Variants in LIPI observed in about 807,000 individuals in gnomAD.
LIPI encodes lipase member I.
LIPI carries 59 observed loss-of-function variants against 50.6 expected under a neutral mutation model. That is an observed-to-expected ratio of 1.16 (90% CI 0.94 to 1.45). LIPI has a LOEUF of 1.45. Among genes scored for constraint, LIPI ranks in the 40% most tolerant of loss-of-function variants. The pLI is 0.00. For missense variants in LIPI, 586 were observed against 536.3 expected, an observed-to-expected ratio of 1.09 and a Z score of -0.92; for synonymous variants, 203 against 178.2, an observed-to-expected ratio of 1.14 and a Z score of -1.11.
Position 14,144,735 on chromosome 21 carries a change from C to T in LIPI, c.1183G>A (p.Val395Ile). ...KILAQFYNDFVNISSIGLTYF... is the reference protein window; with the variant it reads ...KILAQFYNDFINISSIGLTYF... Reference sequence around the variant, plus strand: ...GTCAAACCAATGCTTGAAATATTTACAAAGTCATTATAAAATTGAGCAAGA... The same window carrying T: ...GTCAAACCAATGCTTGAAATATTTATAAAGTCATTATAAAATTGAGCAAGA... The change falls in exon 9 of 10, where the codon GTA becomes ATA. Residue 395 changes from valine to isoleucine, a missense_variant. Coordinates refer to ENST00000681601, the MANE Select transcript of LIPI (RefSeq NM_001302998.2). The T allele has an allele frequency of 1.9e-6, 3 of 1,575,720 alleles. No homozygotes were observed. In the Admixed American group the frequency reaches 5.0e-5, roughly 26 times the overall value.
Position 14,163,474 on chromosome 21 carries a change from T to A in LIPI, c.951A>T (p.Gly317=). The change falls in exon 7 of 10, where the codon GGA becomes GGT. Residue 317 remains glycine (G), a synonymous_variant. Coordinates refer to ENST00000681601, the MANE Select transcript of LIPI (RefSeq NM_001302998.2). ...AAAACACAGTGGTCCTAAGAGGTCT[T>A]CCTTCCATCCTTTCTTTTAAAACAC... is the stretch of plus-strand genomic sequence containing the variant. The part of the protein sequence containing the change: ...FKGVLKERME[G]RPLRTTVFLD... 2 of 1,591,252 alleles carry A rather than the reference T, an allele frequency of 1.3e-6. No individual in the cohort carries two copies. The highest frequency in any genetic ancestry group is 1.1e-5 in the South Asian group (1 of 90,592).
chr21:14,161,244 A>G (rs1417128497), intron 7 of LIPI, among the ~76,000 whole-genome samples: 1 of 150,052 alleles, frequency 6.7e-6, no homozygotes, highest in Non-Finnish European at 1.5e-5. Context: ...GATTGGTTAA[A>G]CAAATGGTGG....
At chr21:14,183,507 G>A (rs916470596) in intron 3 of LIPI, among the ~76,000 whole-genome samples, 1 of 152,120 alleles carries the variant, frequency 6.6e-6, no homozygotes, top group African/African-American at 2.4e-5. Flanking sequence ...CTTCTGCACA[G>A]CAAAAGAAAC....
chr21:14,143,592 A>G (rs1390333100), intron 9 of LIPI: 1 of 152,186 alleles, frequency 6.6e-6, no homozygotes, highest in Non-Finnish European at 1.5e-5. Context: ...AGAGAAATAA[A>G]GAGGAAGCAC....
At chr21:14,110,604 C>T (rs138511638) in intron 9 of LIPI, among the ~76,000 whole-genome samples, 4 of 151,904 alleles carry the variant, frequency 2.6e-5, no homozygotes, top group Admixed American at 6.6e-5. Context: ...AATTTTCTAT[C>T]CTTTGACCAA....
chr21:14,132,707 TA>T (rs2123005020), intron 9 of LIPI, among the ~76,000 whole-genome samples: 1 of 151,922 alleles, frequency 6.6e-6, no homozygotes, highest in African/African-American at 2.4e-5. Flanking sequence ...CAGAATCTCA[TA>T]AAACCACAAA....
At position 14,163,415 on chromosome 21, in the gene LIPI, T is replaced by C. The variant is rs772713934; in HGVS notation, c.1006+4A>G. 1 of 1,292,116 alleles carries C rather than the reference T, an allele frequency of 7.7e-7. No individual in the cohort carries two copies. Among genetic ancestry groups the C allele is most frequent in the South Asian group, 1.2e-5 (1 of 84,218 alleles). 80.0% of individuals were successfully genotyped at this position (1,292,116 alleles called of 1,614,324 possible). On this transcript the variant is annotated splice_donor_region_variant and intron_variant, in intron 7 of 9. Coordinates refer to ENST00000681601, the MANE Select transcript of LIPI (RefSeq NM_001302998.2). ...TTTATTTGTTAAAATTGTTAATAAC[T>C]TACTACAGAATGGATATGTACCACT...
At chr21:14,110,085 A>C (rs2016341577) in intron 9 of LIPI, among the ~76,000 whole-genome samples, 1 of 138,690 alleles carries the variant, frequency 7.2e-6, no homozygotes, top group Admixed American at 7.6e-5. Flanking sequence ...AAAAATGAAC[A>C]CATTACATTG....
chr21:14,182,466 A>C (rs2019306808), intron 3 of LIPI, among the ~76,000 whole-genome samples: 1 of 152,196 alleles, frequency 6.6e-6, no homozygotes, highest in Admixed American at 6.6e-5. Context: ...GGAATTGTCA[A>C]AAAGAGGAGA....
chr21:14,144,769 T>C lies in LIPI; in HGVS notation c.1149A>G (p.Glu383=). The change falls in exon 9 of 10, where the codon GAA becomes GAG. Residue 383 remains glutamate, a synonymous_variant. Transcript: ENST00000681601. ...TATAAAATTGAGCAAGAATCTTGAC[T>C]TCTTGAAGTTTATAAAATGGTTTGT... is the stretch of plus-strand genomic sequence containing the variant. The part of the protein sequence containing the change: ...EKNKPFYKLQ[E]VKILAQFYND... 1 of 1,581,492 alleles carries C rather than the reference T, an allele frequency of 6.3e-7. No homozygotes were observed. The highest frequency in any genetic ancestry group is 8.7e-7 in the Non-Finnish European group (1 of 1,151,420).
At chr21:14,168,763 G>T (rs1049594270) in intron 4 of LIPI, among the ~76,000 whole-genome samples, 4 of 152,170 alleles carry the variant, frequency 2.6e-5, no homozygotes, top group African/African-American at 9.7e-5. Flanking sequence ...GCAAAATCAT[G>T]CCAAATTGTA....
At chr21:14,144,892 A>AGAACAAAATTATAGGGAAAAGGCC in intron 8 of LIPI, 93 bp from the exon 9 acceptor site, 1 of 799,274 alleles carries the variant, frequency 1.3e-6, no homozygotes. Flanking sequence ...GAGGCCACAG[A>AGAACAAAATTATAGGGAAAAGGCC]GAACAAAATT....
intron 7 of LIPI, among the ~76,000 whole-genome samples, chr21:14,154,607 T>A (rs148515337): frequency 1.4e-3 from 217 of 152,122 alleles, no homozygotes; most frequent in East Asian, 8.1e-3. Context: ...GGATATAATA[T>A]TGAAGATAGA....
intron 1 of LIPI, among the ~76,000 whole-genome samples, chr21:14,207,978 T>C (rs1197655706): frequency 1.3e-5 from 2 of 152,222 alleles, no homozygotes; most frequent in African/African-American, 4.8e-5. Context: ...AATCTGGGTC[T>C]TTTAGTTCCA....
chr21:14,128,610 G>A (rs1158874952), intron 9 of LIPI, among the ~76,000 whole-genome samples: 1 of 151,410 alleles, frequency 6.6e-6, no homozygotes, highest in African/African-American at 2.4e-5. Flanking sequence ...TAATTATCAA[G>A]GATATATCCT....
intron 9 of LIPI, among the ~76,000 whole-genome samples, chr21:14,137,766 T>C (rs566225499): frequency 3.9e-5 from 6 of 152,230 alleles, no homozygotes; most frequent in Non-Finnish European, 8.8e-5. Context: ...AAGAAAGTTA[T>C]AGAATATCAA....
intron 9 of LIPI, among the ~76,000 whole-genome samples, chr21:14,123,150 C>G (rs1025628715): frequency 2.6e-5 from 4 of 152,186 alleles, no homozygotes; most frequent in Non-Finnish European, 2.9e-5. Flanking sequence ...AAGTGTCTGT[C>G]TATTAAAAAC....
rs375106221 is a variant in LIPI at position 14,199,070 on chromosome 21, C to T, written c.47-9651G>A. Among the ~76,000 whole-genome samples, 19 of 152,094 alleles carry T rather than the reference C, an allele frequency of 1.2e-4. No individual in the cohort carries two copies. The South Asian group carries it at 3.9e-3, about 32-fold the overall frequency. On this transcript the variant is annotated intron_variant, in intron 1 of 9. Coordinates refer to ENST00000681601, the MANE Select transcript of LIPI (RefSeq NM_001302998.2). ...CTAATGAGAACAAAGATGCAACATA[C>T]CAGAATCTTTGGGACACAGCTAAGG...
intron 2 of LIPI, among the ~76,000 whole-genome samples, chr21:14,188,342 C>T (rs186465101): frequency 6.6e-6 from 1 of 152,080 alleles, no homozygotes; most frequent in African/African-American, 2.4e-5. Context: ...CCAAGGTGGG[C>T]AGATCACCTG....
Sources: gnomAD v4.1 joint callset for allele counts (sites outside exome capture counted in the v4.1 genomes callset) on GRCh38, gnomAD v4.1.1 for gene constraint, MANE v1.5 for transcripts, NCBI Gene and HGNC (gene_info 2026-07-23, HGNC 2026-07-21) for gene names.